AVEN: variants seen among roughly 807,000 people sequenced by gnomAD.
The protein encoded by AVEN is apoptosis and caspase activation inhibitor.
In AVEN, 41 loss-of-function variants were observed where a neutral mutation model predicts 38.1. The observed-to-expected ratio is 1.08, with a 90% CI of 0.84 to 1.40. The LOEUF is 1.40. AVEN is among the 40% of genes most tolerant of loss of function. AVEN has a pLI of 0.00. For missense variants in AVEN, 605 were observed against 438.8 expected (o/e 1.38, Z -3.38); for synonymous variants, 206 against 171.8 (o/e 1.20, Z -1.56).
rs150882343 is a variant in AVEN, at chr15:33,969,667, T to C, written c.445+33365A>G. ...CATACTAAAGAAAAATAATCTCTAC[T>C]AAATCGAGGTATAACACTCTTGTAG... On this transcript the variant is annotated intron_variant, in intron 2 of 5. Transcript: ENST00000306730. 2.8e-4 allele frequency among the ~76,000 whole-genome samples: 43 copies of C among 152,198 alleles called. 1 individual carries two copies. In the East Asian group the frequency reaches 7.1e-3, roughly 25 times the overall value.
At chr15:34,058,555 AACACACACACACACACAC>A (rs3027963) in intron 5 of AVEN, among the ~76,000 whole-genome samples, 2 of 143,178 alleles carry the variant, frequency 1.4e-5, no homozygotes, top group Admixed American at 7.1e-5. Flanking sequence ...CTTTAATTCT[AACACACACACACACACAC>A]ACACACACAC....
downstream of AVEN, chr15:33,857,808 T>C (rs749990837): frequency 6.2e-7 from 1 of 1,614,102 alleles, no homozygotes; most frequent in Non-Finnish European, 8.5e-7. Context: ...CTCCTGGCCG[T>C]GGTGGTTTAT....
intron 2 of AVEN, among the ~76,000 whole-genome samples, chr15:33,961,612 G>A (rs1385508469): frequency 6.6e-6 from 1 of 151,600 alleles, no homozygotes; most frequent in South Asian, 2.1e-4. Flanking sequence ...AGGAGATCGA[G>A]ACCATTCTGG....
intron 2 of AVEN, among the ~76,000 whole-genome samples, chr15:33,921,985 T>C (rs917533481): frequency 6.6e-6 from 1 of 151,946 alleles, no homozygotes; most frequent in Non-Finnish European, 1.5e-5. Flanking sequence ...AGAAAGGAGG[T>C]AGTTAACCTG....
At chr15:33,950,805 A>C (rs1055144494) in intron 2 of AVEN, among the ~76,000 whole-genome samples, 1 of 152,204 alleles carries the variant, frequency 6.6e-6, no homozygotes, top group African/African-American at 2.4e-5. Context: ...CAGCAGTTCA[A>C]AGCCAGCCTG....
chr15:33,856,229 AG>A (rs1478671234), downstream of AVEN: 1 of 152,178 alleles, frequency 6.6e-6, no homozygotes, highest in Non-Finnish European at 1.5e-5. Flanking sequence ...GCTTTCTGTG[AG>A]GTCTGCTCTC....
intron 2 of AVEN, among the ~76,000 whole-genome samples, chr15:33,980,023 GA>G (rs1185959987): frequency 6.6e-6 from 1 of 151,640 alleles, no homozygotes; most frequent in Non-Finnish European, 1.5e-5. Flanking sequence ...GATTGTAAAG[GA>G]AAAAAAAGAA....
intron 2 of AVEN, among the ~76,000 whole-genome samples, chr15:33,897,294 A>AACTT (rs1567402546): frequency 1.3e-5 from 2 of 151,820 alleles, no homozygotes; most frequent in African/African-American, 4.8e-5. Context: ...AACATAAATT[A>AACTT]ATTAATTAAT....
At chr15:33,892,507 C>T (rs77699453) in intron 2 of AVEN, among the ~76,000 whole-genome samples, 124,494 of 151,916 alleles carry the variant, frequency 0.82, 55,098 homozygotes, top group Non-Finnish European at 0.98. Flanking sequence ...TGCTTGTTTT[C>T]GTCAGGTTTG....
chr15:34,018,889 CACAGAGTGCTGATTGGTGCATTTTT>C (rs1467847666), intron 1 of AVEN, among the ~76,000 whole-genome samples: 3 of 145,768 alleles, frequency 2.1e-5, no homozygotes, highest in East Asian at 2.0e-4. Flanking sequence ...TTTAGCTAAA[CACAGAGTGCTGATTGGTGCATTTTT>C]ACAGAGTGCT....
rs1896494452 is a variant in AVEN at position 33,986,804 on chromosome 15, G to A, written c.445+16228C>T. Among the ~76,000 whole-genome samples, 3 of 151,422 alleles carry A rather than the reference G, an allele frequency of 2.0e-5. No homozygotes were observed. The South Asian group carries it at 6.6e-4, about 33-fold the overall frequency. The stretch of plus-strand genomic sequence containing the variant: ...CCCGAGTAGCTGGGACTACAGGCAC[G>A]TGCCACCATGCCCAGCTAATTGTTT... On this transcript the variant is annotated intron_variant, in intron 2 of 5. Transcript: ENST00000306730.
intron 5 of AVEN, among the ~76,000 whole-genome samples, chr15:34,059,381 A>G (rs1275944860): frequency 6.6e-6 from 1 of 152,194 alleles, no homozygotes; most frequent in Non-Finnish European, 1.5e-5. Flanking sequence ...TGAAGAATTG[A>G]TTAGAAAAAA....
At chr15:34,003,978 C>T (rs986814107) in intron 1 of AVEN, among the ~76,000 whole-genome samples, 13 of 152,190 alleles carry the variant, frequency 8.5e-5, no homozygotes, top group Non-Finnish European at 1.8e-4. Context: ...GTCAAGGCCA[C>T]TTCATTTGCC....
In AVEN at chr15:33,939,137, G is replaced by A. The variant is rs140883962; in HGVS notation, c.446-63142C>T. 1.0e-3 allele frequency among the ~76,000 whole-genome samples: 159 copies of A among 152,224 alleles called. 1 individual carries two copies. Among genetic ancestry groups the A allele is most frequent in the African/African-American group, 3.5e-3 (147 of 41,542 alleles). On this transcript the variant is annotated intron_variant, in intron 2 of 5. Transcript: ENST00000306730. ...ATTACAGGCATGAGCCACCACGCCC[G>A]GCCACACCTATTTCTTTCAACGGCA...
At chr15:34,068,876 A>G (rs1900574113) in intron 2 of AVEN, among the ~76,000 whole-genome samples, 1 of 149,122 alleles carries the variant, frequency 6.7e-6, no homozygotes. Flanking sequence ...CAGTGGCGCA[A>G]TCTCGGCTCA....
intron 2 of AVEN, among the ~76,000 whole-genome samples, chr15:33,878,212 T>C (rs1166788607): frequency 6.6e-6 from 1 of 152,206 alleles, no homozygotes; most frequent in Non-Finnish European, 1.5e-5. Flanking sequence ...TTTTTTAAAA[T>C]ATATGAAACG....
At chr15:33,963,424 G>A (rs1226652474) in intron 2 of AVEN, among the ~76,000 whole-genome samples, 1 of 152,208 alleles carries the variant, frequency 6.6e-6, no homozygotes, top group Non-Finnish European at 1.5e-5. Context: ...CACTGAGACA[G>A]GCAGTGGCTG....
intron 5 of AVEN, chr15:34,046,856 C>G (rs982374790): frequency 6.6e-6 from 1 of 152,302 alleles, no homozygotes; most frequent in Non-Finnish European, 1.5e-5. Flanking sequence ...ACCCCCACCT[C>G]CAGCCAAGGG....
chr15:33,894,413 G>A (rs1892121436), intron 2 of AVEN, among the ~76,000 whole-genome samples: 1 of 151,380 alleles, frequency 6.6e-6, no homozygotes, highest in African/African-American at 2.4e-5. Flanking sequence ...CTCTTTTCTG[G>A]TAAATGAAAC....
Sources: allele counts gnomAD v4.1 joint callset (sites outside exome capture counted in the v4.1 genomes callset), GRCh38; gene constraint gnomAD v4.1.1; transcripts MANE v1.5; gene names NCBI Gene and HGNC (gene_info 2026-07-23, HGNC 2026-07-21).